The following CNTNAP4 variants were observed in gnomAD, a reference collection of about 807,000 sequenced individuals.
CNTNAP4 encodes contactin associated protein family member 4, also known as contactin-associated protein-like 4.
Under a neutral mutation model 148.4 loss-of-function variants are expected in CNTNAP4, and 98 were observed. That is an observed-to-expected ratio of 0.66 (90% CI 0.56 to 0.78). CNTNAP4 has a LOEUF of 0.78. CNTNAP4 is among the 30% of genes least tolerant of loss of function. CNTNAP4 has a pLI of 0.00. For missense variants in CNTNAP4, 1,935 were observed against 1,565.6 expected (o/e 1.24, Z -3.98); for synonymous variants, 730 against 565.1 (o/e 1.29, Z -4.14).
chr16:76,424,273 G>T (rs985788923), intron 3 of CNTNAP4, among the ~76,000 whole-genome samples: 1 of 152,040 alleles, frequency 6.6e-6, no homozygotes, highest in African/African-American at 2.4e-5. Flanking sequence ...CATTAATTTT[G>T]AAACAAATGT....
intron 8 of CNTNAP4, among the ~76,000 whole-genome samples, chr16:76,456,881 A>C (rs2080751603): frequency 6.6e-6 from 1 of 152,132 alleles, no homozygotes; most frequent in Non-Finnish European, 1.5e-5. Flanking sequence ...TGACCTCGGT[A>C]GTTTCTTTTC....
rs117173996 is a variant in CNTNAP4 at position 76,469,508 on chromosome 16, G to A, written c.1655+1985G>A. 430 of 152,346 alleles carry A rather than the reference G, an allele frequency of 2.8e-3. 10 individuals carry two copies. The highest frequency in any genetic ancestry group is 0.025 in the East Asian group (132 of 5,178). The allele number at this position is 152,346 out of a possible 1,614,324, so 9.4% of individuals were successfully genotyped here. ...AACTGGCAGGGAGAGGCTCAGTCAC[G>A]CACACTCTGAGTGGTAGTGCATGTT... On this transcript the variant is annotated intron_variant, in intron 10 of 23. Coordinates refer to ENST00000611870, the MANE Select transcript of CNTNAP4 (RefSeq NM_033401.5).
intron 3 of CNTNAP4, among the ~76,000 whole-genome samples, chr16:76,361,160 A>G (rs2013392425): frequency 6.6e-6 from 1 of 152,070 alleles, no homozygotes; most frequent in Admixed American, 6.6e-5. Flanking sequence ...ACTTAACATG[A>G]AATCTAACGT....
chr16:76,445,917 T>G (rs552243085), intron 4 of CNTNAP4, among the ~76,000 whole-genome samples: 2 of 152,302 alleles, frequency 1.3e-5, no homozygotes, highest in South Asian at 4.1e-4. Context: ...AATCTAATAA[T>G]CATAGGATGC....
chr16:76,425,741 C>T lies in CNTNAP4; in HGVS notation c.391-1711C>T, dbSNP rs148667419. 2.2e-4 allele frequency among the ~76,000 whole-genome samples: 33 copies of T among 152,122 alleles called. No homozygotes were observed. In the East Asian group the frequency reaches 6.2e-3, roughly 28 times the overall value. On this transcript the variant is annotated intron_variant, in intron 3 of 23. Transcript: ENST00000611870. The stretch of plus-strand genomic sequence containing the variant: ...TTCAGAGCAGAATGGACTGCTGGTG[C>T]GAATCCCTGAGAGAACTGAACCTGG...
chr16:76,411,448 A>G (rs993296188), intron 3 of CNTNAP4, among the ~76,000 whole-genome samples: 2 of 151,366 alleles, frequency 1.3e-5, no homozygotes, highest in Non-Finnish European at 3.0e-5. Flanking sequence ...GTTTTCTTTC[A>G]GCACTGAACA....
intron 3 of CNTNAP4, among the ~76,000 whole-genome samples, chr16:76,426,029 A>C (rs1035139903): frequency 3.3e-5 from 5 of 152,156 alleles, no homozygotes; most frequent in Non-Finnish European, 5.9e-5. Context: ...CTGAGTGGTC[A>C]TATTGAAATA....
At chr16:76,290,025 G>A (rs1442503179) in intron 1 of CNTNAP4, among the ~76,000 whole-genome samples, 1 of 152,192 alleles carries the variant, frequency 6.6e-6, no homozygotes, top group African/African-American at 2.4e-5. Context: ...TTTCATGCAT[G>A]TTGACATATG....
rs56190107 is a variant in CNTNAP4 at position 76,355,031 on chromosome 16, G to T, written c.197-287G>T. ...GCTAGTAAGTTCCCAGTGTTGGCAGGAATGTTCACCTATCATATTAAACAT... is the reference window on the plus strand; with the variant it reads ...GCTAGTAAGTTCCCAGTGTTGGCAGTAATGTTCACCTATCATATTAAACAT... On this transcript the variant is annotated intron_variant, in intron 2 of 23. Transcript: ENST00000611870. Among the ~76,000 whole-genome samples, 846 of 152,224 alleles carry T rather than the reference G, an allele frequency of 5.6e-3. 8 individuals are homozygous for T. Among genetic ancestry groups the T allele is most frequent in the African/African-American group, 0.019 (803 of 41,512 alleles).
intron 3 of CNTNAP4, among the ~76,000 whole-genome samples, chr16:76,372,209 G>A (rs1239433008): frequency 4.1e-5 from 6 of 145,846 alleles, no homozygotes; most frequent in East Asian, 2.0e-4. Flanking sequence ...GCGCAATCTC[G>A]GTTCACTGCA....
At chr16:76,314,875 C>G (rs1180729775) in intron 1 of CNTNAP4, among the ~76,000 whole-genome samples, 1 of 152,092 alleles carries the variant, frequency 6.6e-6, no homozygotes, top group Non-Finnish European at 1.5e-5. Flanking sequence ...CTCAAGGTAA[C>G]CAAGATCCTG....
chr16:76,375,379 G>A (rs1396287078), intron 3 of CNTNAP4, among the ~76,000 whole-genome samples: 5 of 152,130 alleles, frequency 3.3e-5, no homozygotes, highest in Non-Finnish European at 4.4e-5. Context: ...CTGAGATCAC[G>A]ACACTGCACT....
intron 4 of CNTNAP4, among the ~76,000 whole-genome samples, chr16:76,434,200 G>A (rs2079727821): frequency 6.6e-6 from 1 of 151,222 alleles, no homozygotes; most frequent in South Asian, 2.1e-4. Flanking sequence ...GTATTATTAA[G>A]TAGTTTACTG....
intron 2 of CNTNAP4, among the ~76,000 whole-genome samples, chr16:76,335,234 A>G (rs911454541): frequency 2.6e-5 from 4 of 152,178 alleles, no homozygotes; most frequent in East Asian, 1.9e-4. Context: ...GATGAGATAA[A>G]AACACATTCA....
intron 12 of CNTNAP4, among the ~76,000 whole-genome samples, chr16:76,482,100 T>G (rs1304367440): frequency 6.6e-6 from 1 of 151,892 alleles, no homozygotes; most frequent in Non-Finnish European, 1.5e-5. Context: ...TGCTCCTGGG[T>G]TAGGGAATGC....
intron 7 of CNTNAP4, among the ~76,000 whole-genome samples, chr16:76,450,713 A>C (rs1018303458): frequency 6.6e-6 from 1 of 152,210 alleles, no homozygotes; most frequent in South Asian, 2.1e-4. Flanking sequence ...AATCTGTCCA[A>C]ATGGCAATGT....
Position 76,507,976 on chromosome 16 carries a change from A to G in CNTNAP4, c.2365+9282A>G, listed in dbSNP as rs563698731. ...TTAAAACTCTTCCACCATGATTTCT[A>G]GATGACCTAGTCATTCTGCGTTCTC... On this transcript the variant is annotated intron_variant, in intron 15 of 23. Coordinates refer to ENST00000611870, the MANE Select transcript of CNTNAP4 (RefSeq NM_033401.5). Among the ~76,000 whole-genome samples the G allele has an allele frequency of 7.4e-4, 72 of 97,876 alleles. 11 individuals carry two copies. The highest frequency in any genetic ancestry group is 0.015 in the Middle Eastern group (2 of 134). The allele number at this position is 97,876 out of a possible 152,430, so 64.2% of individuals were successfully genotyped here. A position where few individuals can be genotyped will look rare whatever the true frequency, so the allele number is the denominator to read the frequency against.
In CNTNAP4 at chr16:76,449,750, A is replaced by G. The variant is rs1471504280; in HGVS notation, c.963A>G (p.Ser321=). Residue 321 remains serine (S), a synonymous_variant, in exon 7 of 24, where the codon TCA becomes TCG. Transcript: ENST00000611870. ...GAGGGATTCCAGCACCTGGAAAATC[A>G]GTGTCATTCCCACATAGAAATTTTC... ...SFGGIPAPGK[S]VSFPHRNFHG... The G allele has an allele frequency of 6.3e-7, 1 of 1,596,164 alleles. No individual in the cohort carries two copies. The highest frequency in any genetic ancestry group is 8.5e-7 in the Non-Finnish European group (1 of 1,170,280).
intron 19 of CNTNAP4, among the ~76,000 whole-genome samples, chr16:76,538,829 T>C (rs142977842): frequency 2.2e-4 from 34 of 152,190 alleles, no homozygotes; most frequent in Non-Finnish European, 4.6e-4. Context: ...AAAAATGTTA[T>C]ATCCATGCAG....
Sources: allele counts gnomAD v4.1 joint callset (sites outside exome capture counted in the v4.1 genomes callset), GRCh38; gene constraint gnomAD v4.1.1; transcripts MANE v1.5; gene names NCBI Gene and HGNC (gene_info 2026-07-23, HGNC 2026-07-21).